Variants in GLIPR1 observed in about 807,000 individuals in gnomAD.
GLIPR1 encodes the protein GLI pathogenesis related 1, also known as glioma pathogenesis-related protein 1.
GLIPR1 carries 38 observed loss-of-function variants against 30.3 expected under a neutral mutation model. The ratio of observed to expected loss-of-function variants is 1.26; its 90% CI spans 0.97 to 1.65. The LOEUF (loss-of-function observed/expected upper bound fraction) is 1.65. Ranked by LOEUF, GLIPR1 falls within the 40% of genes most tolerant of loss-of-function variation. The pLI, the probability that GLIPR1 is intolerant of heterozygous loss-of-function variation, is 0.00. For missense variants in GLIPR1, 285 were observed against 326.5 expected (o/e 0.87, Z 0.98); for synonymous variants, 122 against 110.6 (o/e 1.10, Z -0.65).
rs2046383327 is a variant in GLIPR1, at chr12:75,500,334, T to TTGCACATTAAAATAATTTATTTTCCAC, written c.*1356_*1357insTGCACATTAAAATAATTTATTTTCCAC. 6.5e-6 allele frequency: 1 copy of TTGCACATTAAAATAATTTATTTTCCAC among 153,442 alleles called. No homozygotes were observed. The highest frequency in any genetic ancestry group is 1.4e-5 in the Non-Finnish European group (1 of 69,200). 9.5% of individuals were successfully genotyped at this position (153,442 alleles called of 1,614,324 possible). ...GGAACTTCTGAGTCATTATTTTCCA[T>TTGCACATTAAAATAATTTATTTTCCAC]CTTGCACATTAAAATAATTTAAAAT... is the stretch of plus-strand genomic sequence containing the variant. On this transcript the variant is annotated 3_prime_UTR_variant, in exon 6 of 6. Transcript: ENST00000266659.
intron 3 of GLIPR1, chr12:75,494,762 A>G (rs977222184): frequency 2.0e-5 from 3 of 152,158 alleles, no homozygotes; most frequent in Non-Finnish European, 4.4e-5. Context: ...CCCTCTCCCC[A>G]TTACTACTAT....
rs2046393542 is a variant in GLIPR1 at position 75,501,472 on chromosome 12, CAAAG to C, written c.*2496_*2499del. ...TGCCCTGGGTTTGTATCTTTCACAA[CAAAG>C]AGTCTTTTCCAAGCACAGACCAGAG... On this transcript the variant is annotated 3_prime_UTR_variant, in exon 6 of 6. Transcript: ENST00000266659. 2.1e-5 allele frequency: 8 copies of C among 381,656 alleles called. No homozygotes were observed. In the South Asian group the frequency reaches 3.8e-4, roughly 18 times the overall value. 23.6% of individuals were successfully genotyped at this position (381,656 alleles called of 1,614,324 possible).
At chr12:75,485,398 TTTAA>T (rs1347150962) in intron 2 of GLIPR1, among the ~76,000 whole-genome samples, 14 of 152,176 alleles carry the variant, frequency 9.2e-5, no homozygotes, top group Non-Finnish European at 1.3e-4. Context: ...TTAGAAATAG[TTTAA>T]TTAAAGTATC....
chr12:75,497,163 GCTT>G (rs1335630189), intron 4 of GLIPR1: 3 of 152,096 alleles, frequency 2.0e-5, no homozygotes, highest in Admixed American at 6.6e-5. Context: ...GCAAGTTTCT[GCTT>G]CTATTTTTTT....
intron 2 of GLIPR1, among the ~76,000 whole-genome samples, chr12:75,485,115 G>T (rs761809377): frequency 1.3e-5 from 2 of 152,174 alleles, no homozygotes; most frequent in Non-Finnish European, 2.9e-5. Context: ...ACTTTAAGTG[G>T]ATATTACAAC....
chr12:75,495,740 A>T, intron 4 of GLIPR1, 78 bp downstream of exon 4: 1 of 855,296 alleles, frequency 1.2e-6, no homozygotes, highest in South Asian at 1.6e-5. Flanking sequence ...CAATGAAACC[A>T]TGTTTTATCT....
chr12:75,499,689 C>A lies in GLIPR1; in HGVS notation c.*711C>A. ...TAAAGAACACTCTTCTATGAACAAC[C>A]ACCACCACCAAAAAAAAAAAAAGCC... On this transcript the variant is annotated 3_prime_UTR_variant, in exon 6 of 6. Coordinates refer to ENST00000266659, the MANE Select transcript of GLIPR1 (RefSeq NM_006851.3). 3 of 567,242 alleles carry A rather than the reference C, an allele frequency of 5.3e-6. No homozygotes were observed. Among genetic ancestry groups the A allele is most frequent in the East Asian group, 3.2e-5 (1 of 31,242 alleles). 35.1% of individuals were successfully genotyped at this position (567,242 alleles called of 1,614,324 possible). A position where few individuals can be genotyped will look rare whatever the true frequency, so the allele number is the denominator to read the frequency against.
chr12:75,488,285 C>T (rs1452401944), intron 2 of GLIPR1, among the ~76,000 whole-genome samples: 1 of 151,894 alleles, frequency 6.6e-6, no homozygotes, highest in African/African-American at 2.4e-5. Flanking sequence ...CGCCTGTAAT[C>T]CCAGCACTTT....
chr12:75,488,559 C>A (rs1429764069), intron 2 of GLIPR1, among the ~76,000 whole-genome samples: 1 of 152,080 alleles, frequency 6.6e-6, no homozygotes, highest in African/African-American at 2.4e-5. Context: ...AACAAAAAAA[C>A]AAAACCACAA....
rs2046387158 is a variant in GLIPR1 at position 75,500,632 on chromosome 12, C to CTAATAGAAGCCAACTATCTAA, written c.*1656_*1676dup. The CTAATAGAAGCCAACTATCTAA allele has an allele frequency of 6.6e-6, 1 of 151,804 alleles. No individual in the cohort carries two copies. The highest frequency in any genetic ancestry group is 2.1e-4 in the South Asian group (1 of 4,822). The allele number at this position is 151,804 out of a possible 1,614,324, so 9.4% of individuals were successfully genotyped here. A position where few individuals can be genotyped will look rare whatever the true frequency, so the allele number is the denominator to read the frequency against. ...AATTTGAGAGTGTGTGGAAGTCCCC[C>CTAATAGAAGCCAACTATCTAA]TAATAGAAGCCAACTATCTAATCAA... On this transcript the variant is annotated 3_prime_UTR_variant, in exon 6 of 6. Coordinates refer to ENST00000266659, the MANE Select transcript of GLIPR1 (RefSeq NM_006851.3).
In GLIPR1 at chr12:75,500,615, A is replaced by T. The variant is rs1443810589; in HGVS notation, c.*1637A>T. 6.6e-6 allele frequency: 1 copy of T among 151,950 alleles called. No homozygotes were observed. Among genetic ancestry groups the T allele is most frequent in the African/African-American group, 2.4e-5 (1 of 41,392 alleles). The allele number at this position is 151,950 out of a possible 1,614,324, so 9.4% of individuals were successfully genotyped here. ...TTGGTAATAAAGACAATAATTTGAGAGTGTGTGGAAGTCCCCCTAATAGAA... is the reference window on the plus strand; with the variant it reads ...TTGGTAATAAAGACAATAATTTGAGTGTGTGTGGAAGTCCCCCTAATAGAA... On this transcript the variant is annotated 3_prime_UTR_variant, in exon 6 of 6. Coordinates refer to ENST00000266659, the MANE Select transcript of GLIPR1 (RefSeq NM_006851.3).
rs1162333875 is a variant in GLIPR1, at chr12:75,481,144, T to A, written c.174+90T>A. The A allele has an allele frequency of 3.3e-6, 3 of 906,736 alleles. No individual in the cohort carries two copies. In the African/African-American group the frequency reaches 5.0e-5, roughly 15 times the overall value. The allele number at this position is 906,736 out of a possible 1,614,324, so 56.2% of individuals were successfully genotyped here. A position where few individuals can be genotyped will look rare whatever the true frequency, so the allele number is the denominator to read the frequency against. On this transcript the variant is annotated intron_variant, in intron 1 of 5. Transcript: ENST00000266659. ...GTGTTAATACCTTCGTAATACTGAA[T>A]GATTTTTTTTTCATTGTGATTAATG... is the stretch of plus-strand genomic sequence containing the variant.
At chr12:75,489,896 A>G (rs575793241) in intron 2 of GLIPR1, 138 of 153,510 alleles carry the variant, frequency 9.0e-4, no homozygotes, top group Non-Finnish European at 1.6e-3. Context: ...CTCACTGCTT[A>G]CAACTCTCTC....
intron 2 of GLIPR1, among the ~76,000 whole-genome samples, chr12:75,485,869 G>T (rs1177633729): frequency 6.6e-6 from 1 of 151,990 alleles, no homozygotes; most frequent in East Asian, 1.9e-4. Context: ...TTCTGTAGTA[G>T]GTTTCATATA....
At position 75,498,725 on chromosome 12, in the gene GLIPR1, G is replaced by A. The variant is rs201806603; in HGVS notation, c.646+5G>A. 3 of 1,611,880 alleles carry A rather than the reference G, an allele frequency of 1.9e-6. No individual in the cohort carries two copies. Among genetic ancestry groups the A allele is most frequent in the Non-Finnish European group, 2.5e-6 (3 of 1,178,572 alleles). ...GACAGCGAGACCAAGTCAAACGTAC[G>A]TACATCAATCTTAAATTGTTTCATT... On this transcript the variant is annotated splice_donor_5th_base_variant and intron_variant, in intron 5 of 5. Coordinates refer to ENST00000266659, the MANE Select transcript of GLIPR1 (RefSeq NM_006851.3).
Position 75,499,063 on chromosome 12 carries a change from T to C in GLIPR1, c.*85T>C, listed in dbSNP as rs1188422694. 7.2e-6 allele frequency: 6 copies of C among 829,292 alleles called. No homozygotes were observed. In the African/African-American group the frequency reaches 8.8e-5, roughly 12 times the overall value. The allele number at this position is 829,292 out of a possible 1,614,324, so 51.4% of individuals were successfully genotyped here. A position where few individuals can be genotyped will look rare whatever the true frequency, so the allele number is the denominator to read the frequency against. ...AACCAATAACAATTAGGTGTACTTC[T>C]ATTTTAAAACATTTCAGAAAAAAAT... On this transcript the variant is annotated 3_prime_UTR_variant, in exon 6 of 6. Coordinates refer to ENST00000266659, the MANE Select transcript of GLIPR1 (RefSeq NM_006851.3).
At chr12:75,485,533 TTTTATTTA>T (rs149298938) in intron 2 of GLIPR1, among the ~76,000 whole-genome samples, 41 of 110,498 alleles carry the variant, frequency 3.7e-4, no homozygotes, top group African/African-American at 1.1e-3. Context: ...GACAGCTTTA[TTTTATTTA>T]TTTATTTATT....
Position 75,481,016 on chromosome 12 carries a change from T to C in GLIPR1, c.136T>C (p.Ser46Pro). The C allele has an allele frequency of 6.2e-7, 1 of 1,613,856 alleles. No individual in the cohort carries two copies. The highest frequency in any genetic ancestry group is 8.5e-7 in the Non-Finnish European group (1 of 1,179,800). The change falls in exon 1 of 6, where the codon TCA (serine) becomes CCA (proline). Residue 46 changes from serine (S) to proline (P), a missense_variant. Physicochemically the swap from Ser to Pro is moderately conservative, Grantham distance 74. Transcript: ENST00000266659. ...DCVRIHNKFR[S>P]EVKPTASDML... ...CGTTCGAATCCATAACAAGTTCCGA[T>C]CAGAGGTGAAACCAACAGCCAGTGA... is the stretch of plus-strand genomic sequence containing the variant.
Position 75,499,995 on chromosome 12 carries a change from A to T in GLIPR1, c.*1017A>T. Reference sequence around the variant, plus strand: ...CAACACATGTAATACTTTAGATTTTACCAAGTAAAACAAAGAATATATGTT... The same window carrying T: ...CAACACATGTAATACTTTAGATTTTTCCAAGTAAAACAAAGAATATATGTT... On this transcript the variant is annotated 3_prime_UTR_variant, in exon 6 of 6. Transcript: ENST00000266659. The T allele has an allele frequency of 6.9e-7, 1 of 1,449,932 alleles. No individual in the cohort carries two copies. The highest frequency in any genetic ancestry group is 9.3e-7 in the Non-Finnish European group (1 of 1,069,856). 89.8% of individuals were successfully genotyped at this position (1,449,932 alleles called of 1,614,324 possible).
Sources: gnomAD v4.1 joint callset for allele counts (sites outside exome capture counted in the v4.1 genomes callset) on GRCh38, gnomAD v4.1.1 for gene constraint, MANE v1.5 for transcripts, NCBI Gene and HGNC (gene_info 2026-07-23, HGNC 2026-07-21) for gene names.